Variants in SLC11A2 observed in about 807,000 individuals in gnomAD.
The protein encoded by SLC11A2 is solute carrier family 11 member 2, also known as natural resistance-associated macrophage protein 2.
In SLC11A2, 38 loss-of-function variants were observed where a neutral mutation model predicts 68.0. The ratio of observed to expected loss-of-function variants is 0.56; its 90% CI spans 0.43 to 0.73. The LOEUF (loss-of-function observed/expected upper bound fraction) is 0.73. Ranked by LOEUF, SLC11A2 falls within the 30% of genes least tolerant of loss-of-function variation. The probability of loss-of-function intolerance (pLI) is 0.00; values close to 1 mark genes in which losing one functional copy is unlikely to be tolerated. For synonymous variants in SLC11A2, 242 were observed against 250.6 expected (o/e 0.97, Z 0.32); for missense variants, 517 against 690.5 (o/e 0.75, Z 2.82).
rs748484426 is a variant in SLC11A2, at chr12:51,010,788, G to C, written c.-38-22C>G. On this transcript the variant is annotated intron_variant, in intron 1 of 15. Coordinates refer to ENST00000262052, the MANE Select transcript of SLC11A2 (RefSeq NM_000617.3). ...GATTCTGGAAAGGAGAAAAGTGAGG[G>C]AGAAGAATTAGGAAGAACAAACTAA... The C allele has an allele frequency of 6.2e-6, 9 of 1,448,420 alleles. No homozygotes were observed. The African/African-American group carries it at 1.1e-4, about 18-fold the overall frequency. The allele number at this position is 1,448,420 out of a possible 1,614,324, so 89.7% of individuals were successfully genotyped here.
chr12:51,011,081 G>C (rs1943178303), intron 1 of SLC11A2, among the ~76,000 whole-genome samples: 1 of 151,810 alleles, frequency 6.6e-6, no homozygotes, highest in African/African-American at 2.4e-5. Context: ...AGGGGGTGGT[G>C]GACAAATTGA....
At chr12:50,963,288 C>T in the SLC11A2 span, among the ~76,000 whole-genome samples, 14 of 144,154 alleles carry the variant, frequency 9.7e-5, no homozygotes, top group Non-Finnish European at 1.6e-4. Flanking sequence ...GAGAATTGCT[C>T]GAACCTGGGA....
At chr12:50,977,252 C>A (rs908868782), downstream of SLC11A2, among the ~76,000 whole-genome samples, 26 of 152,200 alleles carry the variant, frequency 1.7e-4, no homozygotes, top group Non-Finnish European at 3.5e-4. Flanking sequence ...ACTATACTAC[C>A]AGGCTACAGT....
chr12:50,973,947 T>C, the SLC11A2 span, among the ~76,000 whole-genome samples: 1 of 151,878 alleles, frequency 6.6e-6, no homozygotes, highest in African/African-American at 2.4e-5. Context: ...GAAAAAAGAA[T>C]AAAAAGAAAT....
intron 1 of SLC11A2, among the ~76,000 whole-genome samples, chr12:51,013,679 C>T (rs887209273): frequency 2.6e-5 from 4 of 151,746 alleles, no homozygotes; most frequent in Admixed American, 6.6e-5. Context: ...GTCAAGGCTG[C>T]GGTGAGCCAT....
intron 1 of SLC11A2, among the ~76,000 whole-genome samples, chr12:51,013,212 G>A (rs1290999104): frequency 6.6e-6 from 1 of 151,862 alleles, no homozygotes; most frequent in Non-Finnish European, 1.5e-5. Context: ...AATCAGTTCT[G>A]AGAATATTAC....
chr12:51,016,150 T>C (rs901846811), intron 1 of SLC11A2, among the ~76,000 whole-genome samples: 1 of 151,984 alleles, frequency 6.6e-6, no homozygotes, highest in South Asian at 2.1e-4. Flanking sequence ...CCTGTAATCC[T>C]AACACTTCGG....
At chr12:50,979,230 A>G (rs1159344657), downstream of SLC11A2, among the ~76,000 whole-genome samples, 1 of 152,182 alleles carries the variant, frequency 6.6e-6, no homozygotes, top group East Asian at 1.9e-4. Flanking sequence ...AACCTCCTCT[A>G]CTGGCTTTGA....
chr12:50,987,518 G>A lies in SLC11A2; in HGVS notation c.*807C>T. ...ATCACCACCCTCCTGGAGAAAGAAA[G>A]TTAAGGTTTTACAACCACATGTGCT... On this transcript the variant is annotated 3_prime_UTR_variant, in exon 16 of 16. Transcript: ENST00000262052. The A allele has an allele frequency of 7.8e-7, 1 of 1,287,156 alleles. No homozygotes were observed. The highest frequency in any genetic ancestry group is 1.0e-6 in the Non-Finnish European group (1 of 988,682). The allele number at this position is 1,287,156 out of a possible 1,614,324, so 79.7% of individuals were successfully genotyped here. A position where few individuals can be genotyped will look rare whatever the true frequency, so the allele number is the denominator to read the frequency against.
At chr12:50,984,618 T>C (rs1166509113), downstream of SLC11A2, among the ~76,000 whole-genome samples, 1 of 152,150 alleles carries the variant, frequency 6.6e-6, no homozygotes, top group Admixed American at 6.5e-5. Context: ...TAGGCTAAAA[T>C]ACTTCCGGGG....
the SLC11A2 span, chr12:50,954,286 T>C: frequency 2.2e-6 from 1 of 457,922 alleles, no homozygotes; most frequent in Non-Finnish European, 3.8e-6. Flanking sequence ...TTAGCTGTTA[T>C]TTGAGGCATC....
chr12:50,965,275 G>A, the SLC11A2 span, among the ~76,000 whole-genome samples: 1 of 149,908 alleles, frequency 6.7e-6, no homozygotes, highest in Non-Finnish European at 1.5e-5. Flanking sequence ...CACCATGCCT[G>A]GCTAATTTTT....
upstream of SLC11A2, among the ~76,000 whole-genome samples, chr12:51,027,457 A>G (rs562694418): frequency 2.0e-4 from 30 of 151,526 alleles, no homozygotes; most frequent in Admixed American, 1.9e-3. Context: ...AACATCAGCT[A>G]GTGCAGCCAG....
downstream of SLC11A2, among the ~76,000 whole-genome samples, chr12:50,975,770 G>A (rs957297938): frequency 3.9e-5 from 6 of 152,012 alleles, no homozygotes; most frequent in Non-Finnish European, 7.4e-5. Flanking sequence ...AGAAAAGAGA[G>A]AAGAATCAAA....
At chr12:50,962,253 AC>A in the SLC11A2 span, among the ~76,000 whole-genome samples, 1 of 151,532 alleles carries the variant, frequency 6.6e-6, no homozygotes, top group African/African-American at 2.4e-5. Flanking sequence ...ACACACACAC[AC>A]ACAAAATAGC....
Position 50,999,347 on chromosome 12 carries a change from T to C in SLC11A2, c.605A>G (p.Tyr202Cys). The C allele has an allele frequency of 6.2e-7, 1 of 1,613,604 alleles. No homozygotes were observed. Among genetic ancestry groups the C allele is most frequent in the East Asian group, 2.2e-5 (1 of 44,874 alleles). The change falls in exon 7 of 16, where the codon TAT (tyrosine) becomes TGT (cysteine). Residue 202 changes from tyrosine (Y) to cysteine (C), a missense_variant and splice_region_variant. Physicochemically the swap from Tyr to Cys is radical, Grantham distance 194. Transcript: ENST00000262052. The part of the protein sequence containing the change: ...DTFVFLFLDK[Y>C]GLRKLEAFFG... ...CCTCCCATTCCCGCTCTCCTTACCA[T>C]ATTTGTCCAAGAAGAGAAATACAAA...
Position 50,986,147 on chromosome 12 carries a change from A to G in SLC11A2, c.*2178T>C. 1 of 1,285,944 alleles carries G rather than the reference A, an allele frequency of 7.8e-7. No individual in the cohort carries two copies. The highest frequency in any genetic ancestry group is 1.2e-5 in the South Asian group (1 of 80,832). 79.7% of individuals were successfully genotyped at this position (1,285,944 alleles called of 1,614,324 possible). On this transcript the variant is annotated 3_prime_UTR_variant, in exon 16 of 16. Transcript: ENST00000262052. ...CCCCTGTTAATTTCCAGTATAATGTAGCAGCACAATTATTTCATGTCACAT... is the reference window on the plus strand; with the variant it reads ...CCCCTGTTAATTTCCAGTATAATGTGGCAGCACAATTATTTCATGTCACAT...
the SLC11A2 span, among the ~76,000 whole-genome samples, chr12:50,971,511 G>A: frequency 6.6e-6 from 1 of 152,160 alleles, no homozygotes; most frequent in Non-Finnish European, 1.5e-5. Context: ...GTCCAGAAGT[G>A]CTAATGCTAA....
At chr12:50,997,118 C>A in intron 8 of SLC11A2, 146 bp from the exon 9 acceptor site, 1 of 712,968 alleles carries the variant, frequency 1.4e-6, no homozygotes, top group South Asian at 1.6e-5. Flanking sequence ...TGCTCTGTCA[C>A]CCAGGCTGGA....
Sources: allele counts gnomAD v4.1 joint callset (sites outside exome capture counted in the v4.1 genomes callset), GRCh38; gene constraint gnomAD v4.1.1; transcripts MANE v1.5; gene names NCBI Gene and HGNC (gene_info 2026-07-23, HGNC 2026-07-21).